Variants in CHRDL1 observed in about 807,000 individuals in gnomAD.
CHRDL1 encodes chordin like 1.
In CHRDL1, 19 loss-of-function variants were observed where a neutral mutation model predicts 40.9. The ratio of observed to expected loss-of-function variants is 0.46; its 90% CI spans 0.32 to 0.68. The LOEUF (loss-of-function observed/expected upper bound fraction) is 0.68, where lower values mean the gene tolerates loss of function less well. Ranked by LOEUF, CHRDL1 falls within the 30% of genes least tolerant of loss-of-function variation. The pLI, the probability that CHRDL1 is intolerant of heterozygous loss-of-function variation, is 0.03. For synonymous variants in CHRDL1, 136 were observed against 123.4 expected, an observed-to-expected ratio of 1.10 and a Z score of -0.68; for missense variants, 329 against 352.1, an observed-to-expected ratio of 0.93 and a Z score of 0.53.
chrX:110,689,437 T>TATA lies in CHRDL1; in HGVS notation c.779-635_779-634insTAT, dbSNP rs2070116325. 9.7e-5 allele frequency among the ~76,000 whole-genome samples: 6 copies of TATA among 61,835 alleles called. No individual in the cohort carries two copies. The South Asian group carries it at 3.2e-3, about 33-fold the overall frequency. 53.7% of individuals were successfully genotyped at this position (61,835 alleles called of 115,157 possible). A position where few individuals can be genotyped will look rare whatever the true frequency, so the allele number is the denominator to read the frequency against. On this transcript the variant is annotated intron_variant, in intron 8 of 11. Coordinates refer to ENST00000372042, the MANE Select transcript of CHRDL1 (RefSeq NM_001143981.2). The stretch of plus-strand genomic sequence containing the variant: ...ATCTATATATATCTATATATCTATA[T>TATA]ATCTATATATATCTATATATCTATA...
At chrX:110,766,985 A>G (rs950600517) in intron 2 of CHRDL1, among the ~76,000 whole-genome samples, 1 of 112,185 alleles carries the variant, frequency 8.9e-6, no homozygotes, top group Non-Finnish European at 1.9e-5. Context: ...CAAAAAGACA[A>G]TCCACCACGA....
At chrX:110,764,061 G>A (rs2089615140) in intron 2 of CHRDL1, among the ~76,000 whole-genome samples, 1 of 111,288 alleles carries the variant, frequency 9.0e-6, no homozygotes, top group Non-Finnish European at 1.9e-5. Flanking sequence ...TTTGAGAATT[G>A]TCTATTCATG....
chrX:110,742,147 A>G (rs1250958947), intron 4 of CHRDL1, among the ~76,000 whole-genome samples: 1 of 112,133 alleles, frequency 8.9e-6, no homozygotes, highest in Non-Finnish European at 1.9e-5. Context: ...TTCTAAAGTA[A>G]CCAGTAAGAT....
intron 10 of CHRDL1, among the ~76,000 whole-genome samples, chrX:110,679,706 TG>T (rs1272506781): frequency 9.0e-6 from 1 of 111,544 alleles, no homozygotes; most frequent in Non-Finnish European, 1.9e-5. Flanking sequence ...GAAAGCCACA[TG>T]GAATCTAGCA....
chrX:110,710,051 A>G (rs944732524), intron 6 of CHRDL1, among the ~76,000 whole-genome samples: 2 of 111,841 alleles, frequency 1.8e-5, no homozygotes, highest in African/African-American at 6.5e-5. Flanking sequence ...TACCACATCC[A>G]TGAACTGAAA....
In CHRDL1 at chrX:110,721,410, T is replaced by C; in HGVS notation, c.422A>G (p.Asn141Ser). The C allele has an allele frequency of 1.7e-6, 2 of 1,211,138 alleles. No homozygotes were observed. Among genetic ancestry groups the C allele is most frequent in the Non-Finnish European group, 2.2e-6 (2 of 894,775 alleles). ...CGAACAGCTGCACTGGGTGCATTGA[T>C]TGGGTTGCCGATTCTGAAAGAGCCC... ...AEGLFQNRQPNQCTQCSCSEG... is the reference protein window; with the variant it reads ...AEGLFQNRQPSQCTQCSCSEG... The change falls in exon 5 of 12, where the codon AAT becomes AGT. Residue 141 changes from asparagine to serine, a missense_variant. Asn to Ser is a conservative substitution (Grantham distance 46, BLOSUM62 1). Transcript: ENST00000372042.
intron 2 of CHRDL1, among the ~76,000 whole-genome samples, chrX:110,780,698 T>C (rs1199736736): frequency 8.9e-6 from 1 of 111,805 alleles, no homozygotes; most frequent in Admixed American, 9.5e-5. Context: ...AAAGCCACAG[T>C]AATTTACTTT....
chrX:110,708,197 T>G (rs1741456129), intron 6 of CHRDL1, among the ~76,000 whole-genome samples: 1 of 109,742 alleles, frequency 9.1e-6, no homozygotes, highest in Non-Finnish European at 1.9e-5. Context: ...TTGGTGGGAG[T>G]GTAAATTAGT....
At chrX:110,689,406 CTATATATCTATATATA>C (rs2070110734) in intron 8 of CHRDL1, among the ~76,000 whole-genome samples, 2 of 37,881 alleles carry the variant, frequency 5.3e-5, no homozygotes, top group African/African-American at 3.9e-4. Flanking sequence ...CTATATATAT[CTATATATCTATATATA>C]TCTATATATC....
At chrX:110,725,461 T>C (rs1017022666) in intron 4 of CHRDL1, among the ~76,000 whole-genome samples, 2 of 111,182 alleles carry the variant, frequency 1.8e-5, no homozygotes, top group Non-Finnish European at 3.8e-5. Flanking sequence ...AGGCCTTTTT[T>C]TTTTTGTCCT....
chrX:110,686,883 C>CA (rs1454073111), intron 9 of CHRDL1, among the ~76,000 whole-genome samples: 8 of 45,877 alleles, frequency 1.7e-4, no homozygotes, highest in African/African-American at 7.5e-4. Flanking sequence ...GACTCTGTCT[C>CA]AAAAAAACAA....
At position 110,750,720 on chromosome X, in the gene CHRDL1, G is replaced by A. The variant is rs182415285; in HGVS notation, c.301+8941C>T. Among the ~76,000 whole-genome samples the A allele has an allele frequency of 5.4e-3, 599 of 111,601 alleles. 3 individuals are homozygous for A. Among genetic ancestry groups the A allele is most frequent in the Non-Finnish European group, 8.3e-3 (439 of 53,059 alleles). On this transcript the variant is annotated intron_variant, in intron 4 of 11. Coordinates refer to ENST00000372042, the MANE Select transcript of CHRDL1 (RefSeq NM_001143981.2). Reference sequence around the variant, plus strand: ...GTAGAGGGGGAAGCTCCCCACGGAGGGTCTTGCTTTCTGGACATGACAGCC... The same window carrying A: ...GTAGAGGGGGAAGCTCCCCACGGAGAGTCTTGCTTTCTGGACATGACAGCC...
chrX:110,778,758 C>T (rs1338555983), intron 2 of CHRDL1, among the ~76,000 whole-genome samples: 1 of 111,541 alleles, frequency 9.0e-6, no homozygotes, highest in East Asian at 2.8e-4. Flanking sequence ...GGGTATACAC[C>T]CAAAGGAATA....
intron 4 of CHRDL1, among the ~76,000 whole-genome samples, chrX:110,733,014 A>G (rs1471073182): frequency 8.9e-6 from 1 of 112,469 alleles, no homozygotes; most frequent in Non-Finnish European, 1.9e-5. Context: ...TAAAGAAGCA[A>G]CATACAACAA....
At chrX:110,717,057 C>G (rs2148460628) in intron 6 of CHRDL1, among the ~76,000 whole-genome samples, 1 of 111,795 alleles carries the variant, frequency 8.9e-6, no homozygotes, top group African/African-American at 3.3e-5. Flanking sequence ...GCACTAAACT[C>G]AGATTTTTTA....
chrX:110,681,765 A>C (rs181525308), intron 9 of CHRDL1, 116 bp from the exon 10 acceptor site: 1 of 547,318 alleles, frequency 1.8e-6, no homozygotes, highest in African/African-American at 2.3e-5. Context: ...GTGGACAATT[A>C]ACAAGAACAT....
chrX:110,772,306 C>T (rs919692199), intron 2 of CHRDL1, among the ~76,000 whole-genome samples: 6 of 112,609 alleles, frequency 5.3e-5, no homozygotes, highest in African/African-American at 1.9e-4. Flanking sequence ...ATAGCCAAAA[C>T]AATTTTGCAA....
chrX:110,756,409 C>T (rs190306570), intron 4 of CHRDL1, among the ~76,000 whole-genome samples: 1 of 111,036 alleles, frequency 9.0e-6, no homozygotes, highest in Non-Finnish European at 1.9e-5. Flanking sequence ...ACTAGGGTCA[C>T]ACTACTCGCA....
intron 2 of CHRDL1, among the ~76,000 whole-genome samples, chrX:110,765,364 T>G (rs73528268): frequency 0.024 from 2,745 of 112,118 alleles, 86 homozygotes; most frequent in African/African-American, 0.084. Context: ...GAAATATTGG[T>G]GGCATGTTTC....
Sources: allele counts gnomAD v4.1 joint callset (sites outside exome capture counted in the v4.1 genomes callset), GRCh38; gene constraint gnomAD v4.1.1; transcripts MANE v1.5; gene names NCBI Gene and HGNC (gene_info 2026-07-23, HGNC 2026-07-21).